Variants in RGS6 observed in about 807,000 individuals in gnomAD.
RGS6 encodes regulator of G protein signaling 6.
RGS6 carries 30 observed loss-of-function variants against 78.5 expected under a neutral mutation model. The observed-to-expected ratio is 0.38, with a 90% CI of 0.29 to 0.52. The LOEUF is 0.52. RGS6 is among the 20% of genes least tolerant of loss of function. The pLI is 0.85. For synonymous variants in RGS6, 206 were observed against 206.0 expected (o/e 1.00, Z 0.00); for missense variants, 495 against 609.7 (o/e 0.81, Z 1.98).
At chr14:72,182,150 C>T (rs931742501) in intron 2 of RGS6, among the ~76,000 whole-genome samples, 1 of 152,152 alleles carries the variant, frequency 6.6e-6, no homozygotes. Flanking sequence ...TGGCTCACGC[C>T]TGTAATCCCA....
chr14:72,570,596 C>T (rs1165359972), downstream of RGS6, among the ~76,000 whole-genome samples: 2 of 152,234 alleles, frequency 1.3e-5, no homozygotes, highest in Non-Finnish European at 2.9e-5. Flanking sequence ...CTACCAATTA[C>T]TCTGGAGTTC....
intron 2 of RGS6, among the ~76,000 whole-genome samples, chr14:72,315,604 T>G (rs1193159994): frequency 6.6e-6 from 1 of 152,238 alleles, no homozygotes; most frequent in Non-Finnish European, 1.5e-5. Flanking sequence ...ATTAGTAGTT[T>G]TAACAGAGTG....
intron 3 of RGS6, among the ~76,000 whole-genome samples, chr14:72,375,427 G>C (rs929916945): frequency 3.9e-5 from 6 of 152,172 alleles, no homozygotes; most frequent in African/African-American, 1.4e-4. Flanking sequence ...CCAAGCCTGA[G>C]AAACAGCACC....
chr14:72,345,408 A>G (rs1307311778), intron 2 of RGS6, among the ~76,000 whole-genome samples: 3 of 152,260 alleles, frequency 2.0e-5, no homozygotes. Flanking sequence ...ACATAGGCTT[A>G]GCCGAAAACA....
the RGS6 span, among the ~76,000 whole-genome samples, chr14:71,877,985 G>A: frequency 1.4e-4 from 22 of 152,174 alleles, no homozygotes; most frequent in African/African-American, 5.1e-4. Context: ...ACCAGCAGAG[G>A]CAGCAGAACC....
intron 2 of RGS6, among the ~76,000 whole-genome samples, chr14:71,965,247 A>G (rs2153052526): frequency 6.6e-6 from 1 of 152,316 alleles, no homozygotes; most frequent in Non-Finnish European, 1.5e-5. Context: ...AGAGAGGTAT[A>G]TTTGTATGAG....
chr14:72,390,165 T>TCAG (rs2089572654), intron 3 of RGS6, among the ~76,000 whole-genome samples: 1 of 148,958 alleles, frequency 6.7e-6, no homozygotes, highest in Non-Finnish European at 1.5e-5. Flanking sequence ...TGGTGCGATC[T>TCAG]CAGCTCACTG....
At chr14:72,599,100 T>A in the RGS6 span, among the ~76,000 whole-genome samples, 1 of 152,170 alleles carries the variant, frequency 6.6e-6, no homozygotes, top group African/African-American at 2.4e-5. Flanking sequence ...ACCTCAGTTC[T>A]CCTCTCCCAT....
chr14:72,331,208 C>T (rs1193502779), intron 2 of RGS6, among the ~76,000 whole-genome samples: 3 of 147,160 alleles, frequency 2.0e-5, no homozygotes, highest in South Asian at 2.1e-4. Flanking sequence ...GGCCTGCTGT[C>T]GTAAATCATC....
chr14:72,051,848 G>A (rs950768412), intron 2 of RGS6, among the ~76,000 whole-genome samples: 1 of 152,174 alleles, frequency 6.6e-6, no homozygotes, highest in Non-Finnish European at 1.5e-5. Context: ...TAGTAAAACA[G>A]AGCGACCTGA....
At chr14:72,373,145 A>G (rs2083867055) in intron 3 of RGS6, among the ~76,000 whole-genome samples, 1 of 151,994 alleles carries the variant, frequency 6.6e-6, no homozygotes, top group Non-Finnish European at 1.5e-5. Flanking sequence ...CTGTGAAGGG[A>G]AAAAAAATAG....
At chr14:72,115,811 G>A (rs1159119786) in intron 2 of RGS6, among the ~76,000 whole-genome samples, 1 of 152,148 alleles carries the variant, frequency 6.6e-6, no homozygotes, top group East Asian at 1.9e-4. Flanking sequence ...GCTTAGCTAG[G>A]TTGACTTGCT....
chr14:72,293,910 T>C (rs576687785), intron 2 of RGS6, among the ~76,000 whole-genome samples: 12 of 152,328 alleles, frequency 7.9e-5, no homozygotes, highest in African/African-American at 2.9e-4. Flanking sequence ...AACTTACTTG[T>C]GGAAACGGGA....
intron 13 of RGS6, among the ~76,000 whole-genome samples, chr14:72,502,997 ATACTATG>A (rs879665860): frequency 9.2e-5 from 14 of 152,210 alleles, no homozygotes; most frequent in Admixed American, 3.3e-4. Flanking sequence ...AAAATGCCAT[ATACTATG>A]TGGCTTAAAA....
the RGS6 span, among the ~76,000 whole-genome samples, chr14:72,586,102 A>C: frequency 6.6e-6 from 1 of 152,310 alleles, no homozygotes; most frequent in Non-Finnish European, 1.5e-5. Context: ...CCTGGCTCCC[A>C]CTGACTCCTC....
chr14:72,625,340 TA>T, the RGS6 span, among the ~76,000 whole-genome samples: 8 of 152,336 alleles, frequency 5.3e-5, no homozygotes, highest in African/African-American at 1.7e-4. Flanking sequence ...ATAATGTCAT[TA>T]TTTTTTTGCT....
chr14:72,252,855 T>C (rs1339491450), intron 2 of RGS6, among the ~76,000 whole-genome samples: 1 of 152,160 alleles, frequency 6.6e-6, no homozygotes, highest in Non-Finnish European at 1.5e-5. Flanking sequence ...AGATTCATGG[T>C]CTATTAACTC....
the RGS6 span, among the ~76,000 whole-genome samples, chr14:72,604,215 A>T: frequency 6.6e-6 from 1 of 152,202 alleles, no homozygotes; most frequent in South Asian, 2.1e-4. Context: ...TCTGAGGTAC[A>T]GCCTGGGTTG....
intron 3 of RGS6, among the ~76,000 whole-genome samples, chr14:72,355,198 C>CTTT (rs374468114): frequency 7.0e-6 from 1 of 142,740 alleles, no homozygotes; most frequent in Non-Finnish European, 1.5e-5. Context: ...TCCTCTGGTT[C>CTTT]TTTTTTTTTT....
Sources: gnomAD v4.1 joint callset for allele counts (sites outside exome capture counted in the v4.1 genomes callset) on GRCh38, gnomAD v4.1.1 for gene constraint, MANE v1.5 for transcripts, NCBI Gene and HGNC (gene_info 2026-07-23, HGNC 2026-07-21) for gene names.